The following MAP3K14 variants were observed in gnomAD, a reference collection of about 807,000 sequenced individuals.
MAP3K14 encodes mitogen-activated protein kinase kinase kinase 14.
MAP3K14 carries 16 observed loss-of-function variants against 99.2 expected under a neutral mutation model. That is an observed-to-expected ratio of 0.16 (90% CI 0.11 to 0.24). The LOEUF is 0.24. Among genes scored for constraint, MAP3K14 ranks in the 10% least tolerant of loss-of-function variants. MAP3K14 has a pLI of 1.00. For synonymous variants in MAP3K14, 462 were observed against 492.4 expected (o/e 0.94, Z 0.82); for missense variants, 784 against 1,208.7 (o/e 0.65, Z 5.21).
At position 45,266,559 on chromosome 17, in the gene MAP3K14, G is replaced by A. The variant is rs754437858; in HGVS notation, c.2556C>T (p.Thr852=). ...WNMVLARGRP[T]DTPSYFNGVK... is the part of the protein sequence containing the mutation. ...TACCATTGAAATAGCTTGGGGTGTC[G>A]GTGGGCCGCCCCCGGGCCAGCACCA... is the stretch of plus-strand genomic sequence containing the variant. Residue 852 remains threonine, a synonymous_variant, in exon 14 of 16, where the codon ACC becomes ACT. Coordinates refer to ENST00000344686, the MANE Select transcript of MAP3K14 (RefSeq NM_003954.5). 80 of 1,612,974 alleles carry A rather than the reference G, an allele frequency of 5.0e-5. No individual in the cohort carries two copies. Among genetic ancestry groups the A allele is most frequent in the Non-Finnish European group, 5.7e-5 (67 of 1,179,688 alleles).
chr17:45,266,708 T>C, intron 13 of MAP3K14, 27 bp from the exon 14 acceptor site: 2 of 1,590,534 alleles, frequency 1.3e-6, no homozygotes, highest in Non-Finnish European at 1.7e-6. Flanking sequence ...GGGTACGGGC[T>C]CAGGGCCCTG....
chr17:45,309,878 AGGGAGGT>A (rs1403793727), intron 1 of MAP3K14, among the ~76,000 whole-genome samples: 1 of 152,094 alleles, frequency 6.6e-6, no homozygotes, highest in Non-Finnish European at 1.5e-5. Flanking sequence ...TACATGCTAG[AGGGAGGT>A]GGTGCAGGAC....
Position 45,270,541 on chromosome 17 carries a change from A to ACCTC in MAP3K14, c.1843_1844insGAGG (p.Val615GlyfsTer57), listed in dbSNP as rs1282042646. The stretch of plus-strand genomic sequence containing the variant: ...GGCGCAGGAGGGTGGGATCTCCCTC[A>ACCTC]CAGGCGGAGGCTCGCTGGCAATCTG... On this transcript the variant is annotated frameshift_variant, in exon 11 of 16. Transcript: ENST00000344686. LOFTEE classifies it high-confidence loss of function. 6.4e-7 allele frequency: 1 copy of ACCTC among 1,567,756 alleles called. No homozygotes were observed. Among genetic ancestry groups the ACCTC allele is most frequent in the Non-Finnish European group, 8.6e-7 (1 of 1,158,834 alleles).
intron 1 of MAP3K14, among the ~76,000 whole-genome samples, chr17:45,306,250 G>A (rs188294497): frequency 2.0e-5 from 3 of 152,110 alleles, no homozygotes; most frequent in Non-Finnish European, 2.9e-5. Flanking sequence ...AGTGGCAGCG[G>A]CAGGATTTGC....
At chr17:45,314,891 G>A (rs1294156978) in intron 1 of MAP3K14, among the ~76,000 whole-genome samples, 1 of 152,016 alleles carries the variant, frequency 6.6e-6, no homozygotes, top group Admixed American at 6.6e-5. Context: ...AGGCCAAAGT[G>A]ATACAACACT....
intron 5 of MAP3K14, 25 bp from the exon 6 acceptor site, chr17:45,284,974 C>A (rs756428281): frequency 6.5e-7 from 1 of 1,549,758 alleles, no homozygotes. Flanking sequence ...AGAGAGAGGA[C>A]AGTTTCAGTG....
At chr17:45,273,835 C>T (rs1303142730) in intron 8 of MAP3K14, 1 of 650,036 alleles carries the variant, frequency 1.5e-6, no homozygotes, top group Non-Finnish European at 2.8e-6. Context: ...GCAGGGTTTA[C>T]TCGGGAACGC....
At chr17:45,278,391 G>A (rs1408068188) in intron 6 of MAP3K14, among the ~76,000 whole-genome samples, 1 of 152,178 alleles carries the variant, frequency 6.6e-6, no homozygotes, top group Non-Finnish European at 1.5e-5. Context: ...GTAAAATGAG[G>A]GGGCTGGACT....
At chr17:45,284,021 A>G (rs2044243874) in intron 6 of MAP3K14, among the ~76,000 whole-genome samples, 1 of 152,116 alleles carries the variant, frequency 6.6e-6, no homozygotes, top group African/African-American at 2.4e-5. Flanking sequence ...CTGGGCCCGG[A>G]TAGTGTGATC....
chr17:45,313,435 A>C (rs1030985448), intron 1 of MAP3K14, among the ~76,000 whole-genome samples: 1 of 152,172 alleles, frequency 6.6e-6, no homozygotes, highest in Non-Finnish European at 1.5e-5. Flanking sequence ...AGCCCCATGA[A>C]GTATTTCTGA....
At position 45,290,718 on chromosome 17, in the gene MAP3K14, C is replaced by T; in HGVS notation, c.28G>A (p.Gly10Ser). 1 of 1,613,358 alleles carries T rather than the reference C, an allele frequency of 6.2e-7. No homozygotes were observed. The highest frequency in any genetic ancestry group is 8.5e-7 in the Non-Finnish European group (1 of 1,179,696). Residue 10 changes from glycine (G) to serine (S), a missense_variant, in exon 2 of 16, where the codon GGT becomes AGT. Physicochemically the swap from Gly to Ser is moderately conservative, Grantham distance 56. Around this residue, in one of 5 missense-constraint regions of MAP3K14, gnomAD observed 188 missense variants for 313.0 expected, o/e 0.60. Transcript: ENST00000344686. ...TGCCCCACTGCTGAGCCAGGGGCAC[C>T]TGGGCAGGCCATTTCCATCACTGCC... MAVMEMACPGAPGSAVGQQK... is the reference protein window; with the variant it reads MAVMEMACPSAPGSAVGQQK...
chr17:45,303,943 A>G (rs1041503102), intron 1 of MAP3K14, among the ~76,000 whole-genome samples: 7 of 151,784 alleles, frequency 4.6e-5, no homozygotes, highest in Admixed American at 4.6e-4. Flanking sequence ...TACAAATTGT[A>G]TCTTTCACTT....
chr17:45,270,928 A>C, intron 10 of MAP3K14, 130 bp downstream of exon 10: 1 of 1,279,058 alleles, frequency 7.8e-7, no homozygotes, highest in Non-Finnish European at 1.1e-6. Context: ...TATTTGAATT[A>C]GGATCCCACA....
At chr17:45,312,362 A>G (rs1283244849) in intron 1 of MAP3K14, among the ~76,000 whole-genome samples, 1 of 152,180 alleles carries the variant, frequency 6.6e-6, no homozygotes, top group African/African-American at 2.4e-5. Flanking sequence ...GCTCCACATG[A>G]GGCTTGACAT....
intron 1 of MAP3K14, among the ~76,000 whole-genome samples, chr17:45,314,721 T>C (rs1194926424): frequency 1.3e-5 from 2 of 152,160 alleles, no homozygotes; most frequent in Non-Finnish European, 2.9e-5. Context: ...GGACTGACTT[T>C]GCTTTTAAGA....
intron 2 of MAP3K14, 50 bp from the exon 3 acceptor site, chr17:45,289,355 A>G (rs2143827882): frequency 6.8e-7 from 1 of 1,463,476 alleles, no homozygotes; most frequent in Non-Finnish European, 9.6e-7. Context: ...ATAGGAATTT[A>G]GCACTTAGGG....
chr17:45,274,263 C>A lies in MAP3K14; in HGVS notation c.1421-9G>T. The A allele has an allele frequency of 6.3e-7, 1 of 1,599,006 alleles. No individual in the cohort carries two copies. Among genetic ancestry groups the A allele is most frequent in the South Asian group, 1.1e-5 (1 of 88,666 alleles). On this transcript the variant is annotated splice_polypyrimidine_tract_variant and intron_variant, in intron 7 of 15. Coordinates refer to ENST00000344686, the MANE Select transcript of MAP3K14 (RefSeq NM_003954.5). ...CTGGCCCAGGGAGCCACCTAGGAGA[C>A]CAAAGGCCAGGCTATACATGGGACT...
rs55740287 is a variant in MAP3K14 at position 45,290,614 on chromosome 17, G to A, written c.132C>T (p.Ala44=). The A allele has an allele frequency of 4.3e-3, 6,917 of 1,613,678 alleles. 29 individuals are homozygous for A. Among genetic ancestry groups the A allele is most frequent in the Middle Eastern group, 0.015 (92 of 6,062 alleles). Residue 44 remains alanine, a synonymous_variant, in exon 2 of 16, where the codon GCC becomes GCT. Transcript: ENST00000344686. ...CGCAGAACACAGGGCTCTTCTCCAC[G>A]GCCTCAAGCTTGTAGACGGAGCTCT... is the stretch of plus-strand genomic sequence containing the variant. ...KKQSSVYKLE[A]VEKSPVFCGK...
At chr17:45,280,299 C>CCT (rs2044211911) in intron 6 of MAP3K14, among the ~76,000 whole-genome samples, 1 of 122,334 alleles carries the variant, frequency 8.2e-6, no homozygotes, top group Non-Finnish European at 1.7e-5. Context: ...CACAGAAACA[C>CCT]TTTTTTTTTT....
Sources: allele counts gnomAD v4.1 joint callset (sites outside exome capture counted in the v4.1 genomes callset), GRCh38; gene constraint gnomAD v4.1.1; regional missense constraint gnomAD v4.1.1; transcripts MANE v1.5; gene names NCBI Gene and HGNC (gene_info 2026-07-23, HGNC 2026-07-21).